Variants in DIS3L2 observed in about 807,000 individuals in gnomAD.
DIS3L2 encodes DIS3-like exonuclease 2.
DIS3L2 carries 34 observed loss-of-function variants against 97.5 expected under a neutral mutation model. That is an observed-to-expected ratio of 0.35 (90% confidence interval 0.27 to 0.46). The LOEUF (loss-of-function observed/expected upper bound fraction) is 0.46, where lower values mean the gene tolerates loss of function less well. Ranked by LOEUF, DIS3L2 falls within the 20% of genes least tolerant of loss-of-function variation. The pLI, the probability that DIS3L2 is intolerant of heterozygous loss-of-function variation, is 1.00. For synonymous variants in DIS3L2, 435 were observed against 445.2 expected (o/e 0.98, Z 0.29); for missense variants, 1,038 against 1,146.0 (o/e 0.91, Z 1.36).
intron 10 of DIS3L2, among the ~76,000 whole-genome samples, chr2:232,223,386 C>T (rs1692556772): frequency 6.6e-6 from 1 of 152,172 alleles, no homozygotes; most frequent in Non-Finnish European, 1.5e-5. Context: ...ATTCTCTTTC[C>T]TCAGCTATAA....
At chr2:232,190,637 A>C (rs531764213) in intron 9 of DIS3L2, among the ~76,000 whole-genome samples, 1 of 151,992 alleles carries the variant, frequency 6.6e-6, no homozygotes, top group Non-Finnish European at 1.5e-5. Context: ...AGAAAGAGAA[A>C]GAAAGAGAGA....
chr2:232,110,037 G>C (rs1208920370), intron 6 of DIS3L2, among the ~76,000 whole-genome samples: 1 of 152,116 alleles, frequency 6.6e-6, no homozygotes, highest in African/African-American at 2.4e-5. Flanking sequence ...TAAAAAGTAG[G>C]CAAAGGACGT....
intron 5 of DIS3L2, among the ~76,000 whole-genome samples, chr2:232,055,119 C>T (rs1028552663): frequency 3.3e-5 from 5 of 152,134 alleles, no homozygotes; most frequent in Non-Finnish European, 7.4e-5. Context: ...TTACAAAAGC[C>T]GACAGTAAAC....
intron 6 of DIS3L2, among the ~76,000 whole-genome samples, chr2:232,122,173 A>G (rs1697926409): frequency 6.6e-6 from 1 of 152,184 alleles, no homozygotes. Flanking sequence ...CTTACTCTGC[A>G]CAGCATACAC....
intron 9 of DIS3L2, among the ~76,000 whole-genome samples, chr2:232,165,856 CTT>C (rs948058913): frequency 1.3e-5 from 2 of 151,996 alleles, no homozygotes; most frequent in Non-Finnish European, 2.9e-5. Flanking sequence ...ACTTGTATAA[CTT>C]TAAAAAATTA....
intron 1 of DIS3L2, among the ~76,000 whole-genome samples, chr2:232,014,184 T>C (rs764233798): frequency 6.6e-6 from 1 of 152,238 alleles, no homozygotes; most frequent in African/African-American, 2.4e-5. Flanking sequence ...GCTGCTCTTA[T>C]ATTCCTTAGA....
At chr2:232,015,781 C>A in intron 3 of DIS3L2, 110 bp downstream of exon 3, 2 of 1,291,402 alleles carry the variant, frequency 1.5e-6, no homozygotes, top group Non-Finnish European at 2.1e-6. Flanking sequence ...GATGATGTAA[C>A]AGGTGCAGGG....
intron 12 of DIS3L2, among the ~76,000 whole-genome samples, chr2:232,256,846 G>A (rs1693577225): frequency 6.6e-6 from 1 of 152,158 alleles, no homozygotes; most frequent in East Asian, 1.9e-4. Context: ...GGCTGGGCAT[G>A]GTGGCTCATA....
chr2:232,240,157 T>C (rs12616965), intron 11 of DIS3L2, among the ~76,000 whole-genome samples: 21,030 of 152,174 alleles, frequency 0.14, 1,954 homozygotes, highest in East Asian at 0.37. Context: ...GTGGAGGCCC[T>C]ACCTAGGAAG....
In DIS3L2 at chr2:232,040,746, A is replaced by G. The variant is rs547350301; in HGVS notation, c.366+10666A>G. Among the ~76,000 whole-genome samples, 12 of 152,220 alleles carry G rather than the reference A, an allele frequency of 7.9e-5. No individual in the cohort carries two copies. The South Asian group carries it at 1.0e-3, about 13-fold the overall frequency. On this transcript the variant is annotated intron_variant, in intron 5 of 20. Coordinates refer to ENST00000325385, the MANE Select transcript of DIS3L2 (RefSeq NM_152383.5). ...TTTGTATGCTGTTGTCTGTATCCCA[A>G]TTTTGTGAATGAGAAAACTGGGGCT...
intron 6 of DIS3L2, among the ~76,000 whole-genome samples, chr2:232,113,094 G>A (rs926237312): frequency 1.3e-5 from 2 of 152,150 alleles, no homozygotes; most frequent in African/African-American, 4.8e-5. Context: ...ATCCAAGGTT[G>A]TTACAGAAAG....
chr2:232,230,570 C>T (rs971947478), intron 10 of DIS3L2, among the ~76,000 whole-genome samples: 3 of 152,172 alleles, frequency 2.0e-5, no homozygotes, highest in African/African-American at 7.2e-5. Flanking sequence ...ACAGGAAGTC[C>T]AACATCTGTT....
intron 13 of DIS3L2, among the ~76,000 whole-genome samples, chr2:232,274,491 A>T (rs532415263): frequency 6.6e-6 from 1 of 152,070 alleles, no homozygotes; most frequent in Non-Finnish European, 1.5e-5. Context: ...TTAAACCATG[A>T]CTGCTTCTTG....
chr2:232,040,085 A>G (rs1251915683), intron 5 of DIS3L2, among the ~76,000 whole-genome samples: 1 of 152,214 alleles, frequency 6.6e-6, no homozygotes, highest in Admixed American at 6.5e-5. Context: ...CCACACTGTT[A>G]TGGGAGAAAC....
chr2:232,335,713 G>A (rs145461770), intron 19 of DIS3L2, 60 bp from the exon 20 acceptor site: 144 of 1,517,544 alleles, frequency 9.5e-5, no homozygotes, highest in Admixed American at 5.5e-4. Flanking sequence ...GCCCTCCAGG[G>A]TGGAAGGGCA....
At chr2:232,300,418 G>C (rs1460768516) in intron 14 of DIS3L2, among the ~76,000 whole-genome samples, 1 of 152,164 alleles carries the variant, frequency 6.6e-6, no homozygotes, top group Non-Finnish European at 1.5e-5. Flanking sequence ...TTGGTCTCCA[G>C]TCATGTGCCT....
chr2:231,969,536 C>A lies in DIS3L2; in HGVS notation c.-94+7771C>A, dbSNP rs1355684789. Among the ~76,000 whole-genome samples the A allele has an allele frequency of 2.6e-5, 4 of 152,090 alleles. No individual in the cohort carries two copies. The East Asian group carries it at 7.7e-4, about 29-fold the overall frequency. On this transcript the variant is annotated intron_variant, in intron 1 of 20. Transcript: ENST00000325385. ...ATGTTGGCCAGGCCAGCGTCAAACTCCTGATCTCAAATGATCTGTCCGCCT... is the reference window on the plus strand; with the variant it reads ...ATGTTGGCCAGGCCAGCGTCAAACTACTGATCTCAAATGATCTGTCCGCCT...
intron 6 of DIS3L2, among the ~76,000 whole-genome samples, chr2:232,130,253 T>C (rs1045686788): frequency 6.6e-6 from 1 of 152,218 alleles, no homozygotes; most frequent in African/African-American, 2.4e-5. Context: ...ATGTGCATAA[T>C]AAATTAACCT....
chr2:232,312,839 T>C (rs1052528117), intron 14 of DIS3L2, among the ~76,000 whole-genome samples: 3 of 152,248 alleles, frequency 2.0e-5, no homozygotes, highest in Non-Finnish European at 4.4e-5. Context: ...TGATTTGTGG[T>C]ACTATTTTAA....
Sources: allele counts gnomAD v4.1 joint callset (sites outside exome capture counted in the v4.1 genomes callset), GRCh38; gene constraint gnomAD v4.1.1; transcripts MANE v1.5; gene names NCBI Gene and HGNC (gene_info 2026-07-23, HGNC 2026-07-21).